Variants in ZKSCAN8 observed in about 807,000 individuals in gnomAD.
ZKSCAN8 encodes zinc finger with KRAB and SCAN domains 8.
Under a neutral mutation model 57.2 loss-of-function variants are expected in ZKSCAN8, and 27 were observed. That is an observed-to-expected ratio of 0.47 (90% CI 0.35 to 0.65). The LOEUF is 0.65. Among genes scored for constraint, ZKSCAN8 ranks in the 30% least tolerant of loss-of-function variants. The probability of loss-of-function intolerance (pLI) is 0.01; values close to 1 mark genes in which losing one functional copy is unlikely to be tolerated. For synonymous variants in ZKSCAN8, 214 were observed against 248.7 expected, an observed-to-expected ratio of 0.86 and a Z score of 1.31; for missense variants, 597 against 696.3, an observed-to-expected ratio of 0.86 and a Z score of 1.60.
chr6:28,149,445 A>G lies in ZKSCAN8; in HGVS notation c.418-38A>G, dbSNP rs904091764. ...CTTTCATTGTTCATTACATTTCGCA[A>G]AGGGATTCCTTATTATCCAACTGTC... is the stretch of plus-strand genomic sequence containing the variant. On this transcript the variant is annotated intron_variant, in intron 2 of 5. Transcript: ENST00000330236. 3.7e-6 allele frequency: 6 copies of G among 1,610,034 alleles called. No homozygotes were observed. In the African/African-American group the frequency reaches 4.0e-5, roughly 11 times the overall value.
At chr6:28,149,389 C>G in intron 2 of ZKSCAN8, 94 bp from the exon 3 acceptor site, 1 of 1,480,382 alleles carries the variant, frequency 6.8e-7, no homozygotes, top group Non-Finnish European at 9.2e-7. Context: ...CTTCCCCAAG[C>G]ATATATCCCT....
intron 2 of ZKSCAN8, 61 bp downstream of exon 2, chr6:28,148,885 C>A: frequency 6.5e-7 from 1 of 1,539,928 alleles, no homozygotes; most frequent in Non-Finnish European, 8.8e-7. Flanking sequence ...GGTAGAGGGA[C>A]ATAGGCATCA....
intron 4 of ZKSCAN8, 64 bp downstream of exon 4, chr6:28,152,000 C>CCTAT (rs1765607241): frequency 6.4e-7 from 1 of 1,566,914 alleles, no homozygotes. Context: ...TGGCATCTGC[C>CCTAT]CTATATCTTG....
At position 28,155,987 on chromosome 6, in the gene ZKSCAN8, G is replaced by A. The variant is rs1354249952; in HGVS notation, c.*1970G>A. Reference sequence around the variant, plus strand: ...TACCATTCCTAGTTTCTTTGTACTTGAAATTTTAAGAAACCAGAAACAAGT... The same window carrying A: ...TACCATTCCTAGTTTCTTTGTACTTAAAATTTTAAGAAACCAGAAACAAGT... On this transcript the variant is annotated 3_prime_UTR_variant, in exon 6 of 6. Transcript: ENST00000330236. 1 of 395,840 alleles carries A rather than the reference G, an allele frequency of 2.5e-6. No homozygotes were observed. Among genetic ancestry groups the A allele is most frequent in the Non-Finnish European group, 4.4e-6 (1 of 224,756 alleles). The allele number at this position is 395,840 out of a possible 1,614,324, so 24.5% of individuals were successfully genotyped here. A position where few individuals can be genotyped will look rare whatever the true frequency, so the allele number is the denominator to read the frequency against.
At chr6:28,149,434 T>C in intron 2 of ZKSCAN8, 49 bp from the exon 3 acceptor site, 1 of 1,607,490 alleles carries the variant, frequency 6.2e-7, no homozygotes, top group Non-Finnish European at 8.5e-7. Context: ...CATTGTTCAT[T>C]ACATTTCGCA....
At position 28,152,366 on chromosome 6, in the gene ZKSCAN8, A is replaced by G. The variant is rs555204173; in HGVS notation, c.757A>G (p.Arg253Gly). The change falls in exon 5 of 6, where the codon AGA becomes GGA. Residue 253 changes from arginine to glycine, a missense_variant. Coordinates refer to ENST00000330236, the MANE Select transcript of ZKSCAN8 (RefSeq NM_006298.4). ...LCRDNRPENFRNMFSLGGETR... is the reference protein window; with the variant it reads ...LCRDNRPENFGNMFSLGGETR... ...TAGAGATAACAGGCCAGAAAATTTC[A>G]GAAACATGTTCTCCCTGGGTAAGGA... 6.2e-7 allele frequency: 1 copy of G among 1,608,426 alleles called. No homozygotes were observed. Among genetic ancestry groups the G allele is most frequent in the South Asian group, 1.1e-5 (1 of 89,576 alleles).
upstream of ZKSCAN8, among the ~76,000 whole-genome samples, chr6:28,141,753 C>T (rs1765220317): frequency 6.6e-6 from 1 of 152,242 alleles, no homozygotes; most frequent in Non-Finnish European, 1.5e-5. Context: ...GAACCCGAGG[C>T]ACAGCACACA....
rs564208502 is a variant in ZKSCAN8 at position 28,157,653 on chromosome 6, T to C, written c.*3636T>C. 18 of 152,252 alleles carry C rather than the reference T, an allele frequency of 1.2e-4. No individual in the cohort carries two copies. Among genetic ancestry groups the C allele is most frequent in the Non-Finnish European group, 2.2e-4 (15 of 68,002 alleles). The allele number at this position is 152,252 out of a possible 1,614,324, so 9.4% of individuals were successfully genotyped here. ...AAATACATTACAATTACTGGAAAAT[T>C]GGTGGAAAATGCTTTTTGGGGTTAC... On this transcript the variant is annotated 3_prime_UTR_variant, in exon 6 of 6. Transcript: ENST00000330236.
chr6:28,153,353 C>G lies in ZKSCAN8; in HGVS notation c.1073C>G (p.Ala358Gly), dbSNP rs777904283. Residue 358 changes from alanine (A) to glycine (G), a missense_variant, in exon 6 of 6, where the codon GCC becomes GGC. Physicochemically the swap from Ala to Gly is moderately conservative, Grantham distance 60. Coordinates refer to ENST00000330236, the MANE Select transcript of ZKSCAN8 (RefSeq NM_006298.4). ...TATCAGTGTAATGTGTGTGGTAAAGCCTTCAGTTACAGGTCAGCCCTTCTT... is the reference window on the plus strand; with the variant it reads ...TATCAGTGTAATGTGTGTGGTAAAGGCTTCAGTTACAGGTCAGCCCTTCTT... ...KPYQCNVCGKAFSYRSALLSH... is the reference protein window; with the variant it reads ...KPYQCNVCGKGFSYRSALLSH... 9.9e-6 allele frequency: 16 copies of G among 1,614,008 alleles called. No individual in the cohort carries two copies. The African/African-American group carries it at 1.9e-4, about 19-fold the overall frequency.
Position 28,158,005 on chromosome 6 carries a change from AC to A in ZKSCAN8, c.*3994del, listed in dbSNP as rs1333023542. On this transcript the variant is annotated 3_prime_UTR_variant, in exon 6 of 6. Transcript: ENST00000330236. ...TTTCAAACATATCTTTGATTTTTCA[AC>A]CCCCCTTTTTCATTAATCTGTTCTT... is the stretch of plus-strand genomic sequence containing the variant. 1.3e-5 allele frequency: 2 copies of A among 151,254 alleles called. No homozygotes were observed. The highest frequency in any genetic ancestry group is 4.9e-5 in the African/African-American group (2 of 41,060). The allele number at this position is 151,254 out of a possible 1,614,324, so 9.4% of individuals were successfully genotyped here.
At chr6:28,148,179 T>C in intron 1 of ZKSCAN8, 137 bp from the exon 2 acceptor site, 1 of 436,802 alleles carries the variant, frequency 2.3e-6, no homozygotes, top group South Asian at 3.4e-5. Context: ...TAAGAAGTTA[T>C]TTCTGGAACA....
At chr6:28,146,729 A>G (rs115870904) in intron 1 of ZKSCAN8, among the ~76,000 whole-genome samples, 2,489 of 152,322 alleles carry the variant, frequency 0.016, 35 homozygotes, top group South Asian at 0.04. Context: ...TACACAATCA[A>G]GACTATTCTG....
Position 28,159,256 on chromosome 6 carries a change from G to T in ZKSCAN8, c.*5239G>T, listed in dbSNP as rs919662225. 1 of 132,832 alleles carries T rather than the reference G, an allele frequency of 7.5e-6. No homozygotes were observed. Among genetic ancestry groups the T allele is most frequent in the Admixed American group, 7.5e-5 (1 of 13,414 alleles). 8.2% of individuals were successfully genotyped at this position (132,832 alleles called of 1,614,324 possible). ...CACTTATCTTTTGAGTTTGTACTGT[G>T]GTCCATGTACTTACTAATATGTTGC... On this transcript the variant is annotated 3_prime_UTR_variant, in exon 6 of 6. Coordinates refer to ENST00000330236, the MANE Select transcript of ZKSCAN8 (RefSeq NM_006298.4).
intron 2 of ZKSCAN8, 52 bp from the exon 3 acceptor site, chr6:28,149,431 C>A: frequency 6.2e-7 from 1 of 1,605,440 alleles, no homozygotes; most frequent in South Asian, 1.1e-5. Context: ...TTTCATTGTT[C>A]ATTACATTTC....
intron 1 of ZKSCAN8, among the ~76,000 whole-genome samples, chr6:28,146,811 A>T (rs1449953831): frequency 6.6e-6 from 1 of 152,346 alleles, no homozygotes; most frequent in East Asian, 1.9e-4. Flanking sequence ...TTACATATAC[A>T]TACATATAGT....
rs1765481800 is a variant in ZKSCAN8, at chr6:28,148,540, C to G, written c.133C>G (p.Leu45Val). Reference sequence around the variant, plus strand: ...ATCTAGTCTGCATGAAAGTAACCCTCTTGGCCAAGAAGTGTTCCGCCTGCG... The same window carrying G: ...ATCTAGTCTGCATGAAAGTAACCCTGTTGGCCAAGAAGTGTTCCGCCTGCG... Reference protein sequence around the residue: ...QESSLHESNPLGQEVFRLRFR... With the variant: ...QESSLHESNPVGQEVFRLRFR... The change falls in exon 2 of 6, where the codon CTT becomes GTT. Residue 45 changes from leucine to valine, a missense_variant. Leu to Val is a conservative substitution (Grantham distance 32, BLOSUM62 1). Coordinates refer to ENST00000330236, the MANE Select transcript of ZKSCAN8 (RefSeq NM_006298.4). 1.2e-6 allele frequency: 2 copies of G among 1,614,164 alleles called. No individual in the cohort carries two copies. The highest frequency in any genetic ancestry group is 1.7e-6 in the Non-Finnish European group (2 of 1,180,026).
Position 28,144,102 on chromosome 6 carries a change from T to C in ZKSCAN8, c.-93+2073T>C, listed in dbSNP as rs1249983509. ...CTCCTTGGTTCTTCTGATCTGTAGT[T>C]TACTCTCCACCCTGTTGTTCCCGGC... is the stretch of plus-strand genomic sequence containing the variant. On this transcript the variant is annotated intron_variant, in intron 1 of 5. Coordinates refer to ENST00000330236, the MANE Select transcript of ZKSCAN8 (RefSeq NM_006298.4). This position sits in a 1 kb window ranked among gnomAD's most constrained non-coding sequence, Gnocchi z 4.5. Among the ~76,000 whole-genome samples, 1 of 152,190 alleles carries C rather than the reference T, an allele frequency of 6.6e-6. No individual in the cohort carries two copies. The highest frequency in any genetic ancestry group is 1.5e-5 in the Non-Finnish European group (1 of 68,030).
chr6:28,142,395 T>C (rs1328113522), intron 1 of ZKSCAN8: 1 of 152,158 alleles, frequency 6.6e-6, no homozygotes, highest in East Asian at 1.9e-4. Flanking sequence ...CACAACAAAA[T>C]TCTCAGTTTT....
In ZKSCAN8 at chr6:28,144,725, A is replaced by G. The variant is rs970200444; in HGVS notation, c.-93+2696A>G. ...AATGGCAGGGGGATGACAGAGAAGA[A>G]CTCATGAAAAAGGTAATAGATAAAT... On this transcript the variant is annotated intron_variant, in intron 1 of 5. Transcript: ENST00000330236. This position sits in a 1 kb window ranked among gnomAD's most constrained non-coding sequence, Gnocchi z 4.5. Among the ~76,000 whole-genome samples the G allele has an allele frequency of 3.9e-5, 6 of 152,206 alleles. No individual in the cohort carries two copies. The highest frequency in any genetic ancestry group is 1.9e-4 in the East Asian group (1 of 5,196).
Sources: allele counts gnomAD v4.1 joint callset (sites outside exome capture counted in the v4.1 genomes callset), GRCh38; gene constraint gnomAD v4.1.1; non-coding constraint Gnocchi (gnomAD v3.1); transcripts MANE v1.5; gene names NCBI Gene and HGNC (gene_info 2026-07-23, HGNC 2026-07-21).